Variants in KCNIP4 observed in about 807,000 individuals in gnomAD.
KCNIP4 encodes the protein potassium voltage-gated channel interacting protein 4.
In KCNIP4, 12 loss-of-function variants were observed where a neutral mutation model predicts 34.0. The ratio of observed to expected loss-of-function variants is 0.35; its 90% CI spans 0.23 to 0.57. The LOEUF is 0.57. Ranked by LOEUF, KCNIP4 falls within the 20% of genes least tolerant of loss-of-function variation. The pLI is 0.83. For missense variants in KCNIP4, 238 were observed against 311.7 expected (o/e 0.76, Z 1.78); for synonymous variants, 124 against 102.2 (o/e 1.21, Z -1.29).
chr4:21,664,906 T>C (rs1490157906), intron 1 of KCNIP4, among the ~76,000 whole-genome samples: 2 of 152,208 alleles, frequency 1.3e-5, no homozygotes, highest in Non-Finnish European at 2.9e-5. Context: ...TGTTGTGACA[T>C]GATTTGGTAC....
At chr4:21,792,741 C>T (rs899117972) in intron 1 of KCNIP4, among the ~76,000 whole-genome samples, 1 of 152,182 alleles carries the variant, frequency 6.6e-6, no homozygotes, top group Non-Finnish European at 1.5e-5. Flanking sequence ...TTTGTATTCC[C>T]AGGTTTAACC....
At chr4:21,379,308 A>C (rs953479857) in intron 1 of KCNIP4, among the ~76,000 whole-genome samples, 2 of 152,156 alleles carry the variant, frequency 1.3e-5, no homozygotes, top group African/African-American at 4.8e-5. Flanking sequence ...TACCACTCTG[A>C]ATTATCCTGT....
At chr4:21,810,408 T>C (rs1189628327) in intron 1 of KCNIP4, among the ~76,000 whole-genome samples, 1 of 152,036 alleles carries the variant, frequency 6.6e-6, no homozygotes, top group African/African-American at 2.4e-5. Context: ...AGAGAGAATT[T>C]GGCTGGGCGC....
chr4:21,226,867 A>AT (rs1256338405), intron 1 of KCNIP4, among the ~76,000 whole-genome samples: 10 of 143,390 alleles, frequency 7.0e-5, no homozygotes, highest in African/African-American at 3.0e-4. Context: ...TTGAACCAGT[A>AT]ATTTTTTTTT....
chr4:20,962,811 A>G (rs1733975634), intron 1 of KCNIP4, among the ~76,000 whole-genome samples: 1 of 152,248 alleles, frequency 6.6e-6, no homozygotes, highest in Non-Finnish European at 1.5e-5. Context: ...CAGCTTTACG[A>G]CATTTAAATT....
intron 1 of KCNIP4, among the ~76,000 whole-genome samples, chr4:21,212,521 T>G (rs1207603779): frequency 6.6e-6 from 1 of 152,204 alleles, no homozygotes; most frequent in Non-Finnish European, 1.5e-5. Flanking sequence ...CACGGTTGTC[T>G]TCATCTGTTT....
intron 1 of KCNIP4, among the ~76,000 whole-genome samples, chr4:21,642,163 A>G (rs1746662074): frequency 6.6e-6 from 1 of 152,192 alleles, no homozygotes; most frequent in South Asian, 2.1e-4. Context: ...ATAGTAAACA[A>G]AGTGTGGCAA....
At chr4:21,431,833 C>T (rs1216363829) in intron 1 of KCNIP4, among the ~76,000 whole-genome samples, 1 of 150,622 alleles carries the variant, frequency 6.6e-6, no homozygotes, top group African/African-American at 2.4e-5. Context: ...ATGAGAAACA[C>T]AGATAGGGAA....
At chr4:20,901,816 C>T (rs1480501244) in intron 1 of KCNIP4, among the ~76,000 whole-genome samples, 1 of 151,694 alleles carries the variant, frequency 6.6e-6, no homozygotes, top group South Asian at 2.1e-4. Flanking sequence ...AGTGGTCACA[C>T]AGTGAGTTTG....
intron 2 of KCNIP4, among the ~76,000 whole-genome samples, chr4:20,864,223 CATATATATGT>C (rs752540745): frequency 1.4e-5 from 2 of 144,502 alleles, no homozygotes; most frequent in Non-Finnish European, 3.1e-5. Context: ...TGTATATATG[CATATATATGT>C]ACACATATGT....
intron 1 of KCNIP4, among the ~76,000 whole-genome samples, chr4:21,833,780 G>T (rs961653419): frequency 2.6e-5 from 4 of 152,180 alleles, no homozygotes; most frequent in Non-Finnish European, 5.9e-5. Context: ...AAGGTGTAAG[G>T]AAGGGTTCCA....
chr4:21,719,797 A>G (rs961829359), intron 1 of KCNIP4, among the ~76,000 whole-genome samples: 2 of 152,022 alleles, frequency 1.3e-5, no homozygotes, highest in Non-Finnish European at 2.9e-5. Context: ...ACCCATCTCT[A>G]CGAAAACTAC....
chr4:20,893,813 A>G (rs1726208658), intron 1 of KCNIP4, among the ~76,000 whole-genome samples: 1 of 152,194 alleles, frequency 6.6e-6, no homozygotes, highest in African/African-American at 2.4e-5. Context: ...CTTTTTGGAT[A>G]TAACCTAAAC....
At chr4:21,519,800 CGTGTGTGTAT>C (rs1223976676) in intron 1 of KCNIP4, among the ~76,000 whole-genome samples, 7 of 113,382 alleles carry the variant, frequency 6.2e-5, no homozygotes, top group Non-Finnish European at 1.3e-4. Context: ...TGTGTATACA[CGTGTGTGTAT>C]GTGTGTGTAT....
Position 21,550,353 on chromosome 4 carries a change from C to T in KCNIP4, c.61+398218G>A, listed in dbSNP as rs2009807. 5.3e-5 allele frequency among the ~76,000 whole-genome samples: 8 copies of T among 151,962 alleles called. 1 individual carries two copies. The South Asian group carries it at 1.7e-3, about 32-fold the overall frequency. The stretch of plus-strand genomic sequence containing the variant: ...TTGATCAGTCAAAGAGGGTAAACTA[C>T]ATTAATAATGGGCACTGGAAGGAGG... On this transcript the variant is annotated intron_variant, in intron 1 of 8. Coordinates refer to ENST00000382152, the MANE Select transcript of KCNIP4 (RefSeq NM_025221.6).
chr4:20,789,268 G>A (rs538058339), intron 3 of KCNIP4, among the ~76,000 whole-genome samples: 17 of 152,104 alleles, frequency 1.1e-4, no homozygotes, highest in African/African-American at 4.1e-4. Flanking sequence ...AAAATTTGGG[G>A]CCATTTTTAT....
chr4:20,945,755 G>A (rs2149628501), intron 1 of KCNIP4, among the ~76,000 whole-genome samples: 1 of 152,198 alleles, frequency 6.6e-6, no homozygotes, highest in Non-Finnish European at 1.5e-5. Flanking sequence ...GCCCCCCAGG[G>A]ACTCCCCGAC....
chr4:21,566,884 A>C (rs960986465), intron 1 of KCNIP4, among the ~76,000 whole-genome samples: 1 of 152,120 alleles, frequency 6.6e-6, no homozygotes, highest in African/African-American at 2.4e-5. Context: ...CCTCGCACAC[A>C]TACAGGACAT....
At chr4:21,831,961 C>T (rs1723015230) in intron 1 of KCNIP4, among the ~76,000 whole-genome samples, 1 of 152,048 alleles carries the variant, frequency 6.6e-6, no homozygotes, top group Non-Finnish European at 1.5e-5. Flanking sequence ...TACCAGAAAT[C>T]CCTGATGAAC....
Sources: gnomAD v4.1 joint callset for allele counts (sites outside exome capture counted in the v4.1 genomes callset) on GRCh38, gnomAD v4.1.1 for gene constraint, MANE v1.5 for transcripts, NCBI Gene and HGNC (gene_info 2026-07-23, HGNC 2026-07-21) for gene names.